CDC42BPA: variants seen among roughly 807,000 people sequenced by gnomAD.
The protein encoded by CDC42BPA is CDC42 binding protein kinase alpha, also known as serine/threonine-protein kinase MRCK alpha.
A neutral mutation model predicts 223.5 loss-of-function variants in CDC42BPA; 80 were observed. The observed-to-expected ratio is 0.36, with a 90% CI of 0.30 to 0.43. The LOEUF (loss-of-function observed/expected upper bound fraction) is 0.43, where lower values mean the gene tolerates loss of function less well. Ranked by LOEUF, CDC42BPA falls within the 20% of genes least tolerant of loss-of-function variation. CDC42BPA has a pLI of 1.00. For synonymous variants in CDC42BPA, 694 were observed against 718.6 expected (o/e 0.97, Z 0.55); for missense variants, 1,743 against 2,099.9 (o/e 0.83, Z 3.32).
At position 227,051,950 on chromosome 1, in the gene CDC42BPA, C is replaced by A; in HGVS notation, c.2940G>T (p.Pro980=). The A allele has an allele frequency of 1.5e-6, 2 of 1,366,322 alleles. No individual in the cohort carries two copies. The highest frequency in any genetic ancestry group is 2.0e-6 in the Non-Finnish European group (2 of 1,021,742). 84.6% of individuals were successfully genotyped at this position (1,366,322 alleles called of 1,614,324 possible). A position where few individuals can be genotyped will look rare whatever the true frequency, so the allele number is the denominator to read the frequency against. ...GTGACTGGATGTGAAACTTGACGCT[C>A]GGGTTCCATACATATGTGTTCTCAA... The part of the protein sequence containing the change: ...DPVENTYVWN[P]SVKFHIQSRS... The change falls in exon 22 of 37, where the codon CCG becomes CCT. Residue 980 remains proline (P), a synonymous_variant. Transcript: ENST00000366766.
intron 1 of CDC42BPA, among the ~76,000 whole-genome samples, chr1:227,255,906 T>C (rs530779907): frequency 5.9e-4 from 89 of 152,090 alleles, no homozygotes; most frequent in African/African-American, 2.1e-3. Context: ...TTCAAAGCAA[T>C]CCCTATCAAA....
intron 29 of CDC42BPA, among the ~76,000 whole-genome samples, chr1:227,029,894 G>T (rs905707463): frequency 6.6e-6 from 1 of 151,606 alleles, no homozygotes; most frequent in South Asian, 2.1e-4. Context: ...CAGCACTTTG[G>T]GAGGCCAAGG....
At chr1:227,306,482 CTT>C (rs916109154) in intron 1 of CDC42BPA, among the ~76,000 whole-genome samples, 1 of 152,156 alleles carries the variant, frequency 6.6e-6, no homozygotes, top group African/African-American at 2.4e-5. Context: ...GCAAAGGACT[CTT>C]AGAAGAAACT....
At chr1:227,127,334 C>A (rs1202756620) in intron 11 of CDC42BPA, among the ~76,000 whole-genome samples, 1 of 152,120 alleles carries the variant, frequency 6.6e-6, no homozygotes, top group African/African-American at 2.4e-5. Context: ...AAGCTCACAA[C>A]TATTTTAGTG....
intron 34 of CDC42BPA, among the ~76,000 whole-genome samples, chr1:227,014,834 G>A (rs2148479141): frequency 6.6e-6 from 1 of 152,276 alleles, no homozygotes; most frequent in South Asian, 2.1e-4. Flanking sequence ...AGTTTTAATA[G>A]TATGCTGAGA....
chr1:227,074,304 TTCAG>T lies in CDC42BPA; in HGVS notation c.2537_2540del (p.Thr846LysfsTer6). ...TGGAATTTCTTAATGCCTCCAATTC[TTCAG>T]TCATTTTAGAAGCTAAGGCCTGAAG... On this transcript the variant is annotated frameshift_variant, in exon 18 of 37. Transcript: ENST00000366766. LOFTEE classifies it high-confidence loss of function. 6.2e-7 allele frequency: 1 copy of T among 1,613,864 alleles called. No homozygotes were observed. Among genetic ancestry groups the T allele is most frequent in the Non-Finnish European group, 8.5e-7 (1 of 1,179,800 alleles).
chr1:227,094,115 A>G (rs544529219), intron 15 of CDC42BPA, among the ~76,000 whole-genome samples: 2 of 152,358 alleles, frequency 1.3e-5, no homozygotes, highest in East Asian at 3.9e-4. Context: ...AAGGTGTTAA[A>G]GCATTTTGGC....
chr1:227,166,052 TG>T (rs1161629952), intron 5 of CDC42BPA, among the ~76,000 whole-genome samples: 2 of 152,186 alleles, frequency 1.3e-5, no homozygotes, highest in African/African-American at 4.8e-5. Flanking sequence ...AAACAGTTAA[TG>T]GTTATCAATA....
chr1:227,128,993 AG>A, intron 11 of CDC42BPA, 115 bp downstream of exon 11: 1 of 704,930 alleles, frequency 1.4e-6, no homozygotes, highest in Non-Finnish European at 2.4e-6. Context: ...TTCCCTGACT[AG>A]CATGCAACTC....
chr1:227,083,662 T>C (rs766100814), intron 16 of CDC42BPA, among the ~76,000 whole-genome samples: 6 of 152,208 alleles, frequency 3.9e-5, no homozygotes, highest in Admixed American at 6.5e-5. Context: ...AAACTTTAGA[T>C]AATTTTAAGA....
intron 12 of CDC42BPA, among the ~76,000 whole-genome samples, chr1:227,113,299 A>G (rs73100813): frequency 0.058 from 8,822 of 152,328 alleles, 844 homozygotes; most frequent in African/African-American, 0.2. Context: ...GCCAGAAGCA[A>G]GGAGATAGAA....
intron 1 of CDC42BPA, among the ~76,000 whole-genome samples, chr1:227,263,476 A>G (rs1684447206): frequency 6.6e-6 from 1 of 152,112 alleles, no homozygotes; most frequent in Admixed American, 6.6e-5. Context: ...AGGGAAAATG[A>G]TACTCTTCCA....
At chr1:227,135,032 G>C (rs1484697119) in intron 10 of CDC42BPA, among the ~76,000 whole-genome samples, 1 of 152,172 alleles carries the variant, frequency 6.6e-6, no homozygotes, top group African/African-American at 2.4e-5. Context: ...AAGTGAGCCA[G>C]GGAAGTGAGG....
At chr1:227,254,554 C>T (rs945888435) in intron 1 of CDC42BPA, among the ~76,000 whole-genome samples, 3 of 152,158 alleles carry the variant, frequency 2.0e-5, no homozygotes, top group African/African-American at 7.2e-5. Context: ...ACCAAGTAAA[C>T]TCATGTTTCT....
At chr1:227,042,214 CAGT>C (rs910968132) in intron 23 of CDC42BPA, among the ~76,000 whole-genome samples, 4 of 151,636 alleles carry the variant, frequency 2.6e-5, no homozygotes, top group Admixed American at 2.0e-4. Flanking sequence ...ATACCTGAAA[CAGT>C]AGCAATGAAA....
At chr1:227,248,107 A>T (rs1287898392) in intron 2 of CDC42BPA, among the ~76,000 whole-genome samples, 1 of 152,182 alleles carries the variant, frequency 6.6e-6, no homozygotes, top group East Asian at 1.9e-4. Flanking sequence ...AAACAACCTC[A>T]AAGGGTAAAT....
At chr1:227,198,942 G>A (rs536647699) in intron 4 of CDC42BPA, among the ~76,000 whole-genome samples, 1 of 151,982 alleles carries the variant, frequency 6.6e-6, no homozygotes, top group Non-Finnish European at 1.5e-5. Flanking sequence ...TAGAGACGGG[G>A]TTTCACCGTG....
At chr1:227,006,603 T>C (rs1266109449) in intron 34 of CDC42BPA, among the ~76,000 whole-genome samples, 2 of 152,148 alleles carry the variant, frequency 1.3e-5, no homozygotes, top group African/African-American at 4.8e-5. Context: ...CATACAGCCA[T>C]CTGCAGTATC....
chr1:227,263,075 A>T (rs1170174570), intron 1 of CDC42BPA, among the ~76,000 whole-genome samples: 2 of 152,154 alleles, frequency 1.3e-5, no homozygotes, highest in Non-Finnish European at 2.9e-5. Flanking sequence ...TCTACTAAAA[A>T]TACAAAAATT....
Sources: gnomAD v4.1 joint callset for allele counts (sites outside exome capture counted in the v4.1 genomes callset) on GRCh38, gnomAD v4.1.1 for gene constraint, MANE v1.5 for transcripts, NCBI Gene and HGNC (gene_info 2026-07-23, HGNC 2026-07-21) for gene names.